The following NAALADL2 variants were observed in gnomAD, a reference collection of about 807,000 sequenced individuals.
NAALADL2 encodes the protein inactive N-acetylated-alpha-linked acidic dipeptidase-like protein 2.
A neutral mutation model predicts 87.2 loss-of-function variants in NAALADL2; 76 were observed. The observed-to-expected ratio is 0.87, with a 90% CI of 0.72 to 1.05. The LOEUF is 1.05. Ranked by LOEUF, NAALADL2 falls within the 50% of genes least tolerant of loss-of-function variation. The pLI is 0.00. For synonymous variants in NAALADL2, 354 were observed against 331.0 expected, an observed-to-expected ratio of 1.07 and a Z score of -0.75; for missense variants, 1,089 against 945.8, an observed-to-expected ratio of 1.15 and a Z score of -1.99.
At chr3:174,971,008 A>C (rs1743554749) in intron 1 of NAALADL2, among the ~76,000 whole-genome samples, 1 of 152,160 alleles carries the variant, frequency 6.6e-6, no homozygotes, top group Admixed American at 6.5e-5. Flanking sequence ...AGGGCTTAGA[A>C]TCGTGGTGGG....
At chr3:174,981,745 T>C (rs1745146207) in intron 1 of NAALADL2, among the ~76,000 whole-genome samples, 1 of 152,148 alleles carries the variant, frequency 6.6e-6, no homozygotes, top group African/African-American at 2.4e-5. Context: ...AATTAGGCAG[T>C]ACAGTGTCAG....
chr3:175,413,428 G>A lies in NAALADL2; in HGVS notation c.1091-33801G>A, dbSNP rs535345127. 1.1e-4 allele frequency among the ~76,000 whole-genome samples: 17 copies of A among 151,430 alleles called. 1 individual carries two copies. In the South Asian group the frequency reaches 2.3e-3, roughly 21 times the overall value. ...CTACTAAAAGTACAAAAAATTGGCC[G>A]GGCATGGTAGCGTCACCTGTAGGCC... is the stretch of plus-strand genomic sequence containing the variant. On this transcript the variant is annotated intron_variant, in intron 5 of 13. Transcript: ENST00000454872.
Position 174,834,027 on chromosome 3 carries a change from G to A in NAALADL2, c.-9+96281G>A, listed in dbSNP as rs1025057571. ...TCTACTCTCTCAATTTCTGTCTAAC[G>A]TTGTAATGGACATTCTAGCATTGTA... On this transcript the variant is annotated intron_variant, in intron 3 of 3. Transcript: ENST00000434257. Among the ~76,000 whole-genome samples, 6 of 150,502 alleles carry A rather than the reference G, an allele frequency of 4.0e-5. No homozygotes were observed. In the East Asian group the frequency reaches 6.0e-4, roughly 15 times the overall value.
intron 1 of NAALADL2, among the ~76,000 whole-genome samples, chr3:174,896,191 CAA>C (rs571201724): frequency 1.6e-4 from 24 of 151,990 alleles, no homozygotes; most frequent in Non-Finnish European, 2.5e-4. Flanking sequence ...CACAATCAGA[CAA>C]GAGAAAAATT....
intron 1 of NAALADL2, among the ~76,000 whole-genome samples, chr3:175,018,561 TGAG>T (rs1240691097): frequency 6.6e-6 from 1 of 152,074 alleles, no homozygotes; most frequent in African/African-American, 2.4e-5. Flanking sequence ...CAACTGAAAA[TGAG>T]GAGTTAGGCA....
intron 11 of NAALADL2, among the ~76,000 whole-genome samples, chr3:175,735,757 G>A (rs1389293378): frequency 6.6e-6 from 1 of 152,088 alleles, no homozygotes; most frequent in Non-Finnish European, 1.5e-5. Context: ...GGGAATTATG[G>A]GAGCTACAAG....
chr3:175,650,146 T>C (rs1730565319), intron 11 of NAALADL2, among the ~76,000 whole-genome samples: 1 of 146,050 alleles, frequency 6.8e-6, no homozygotes, highest in Non-Finnish European at 1.5e-5. Context: ...ATAAAAAGAA[T>C]AAAATACTGA....
Position 174,652,053 on chromosome 3 carries a change from A to G in NAALADL2, c.-114-85588A>G, listed in dbSNP as rs1724409674. Among the ~76,000 whole-genome samples, 4 of 152,188 alleles carry G rather than the reference A, an allele frequency of 2.6e-5. No individual in the cohort carries two copies. The South Asian group carries it at 8.3e-4, about 31-fold the overall frequency. ...AATATTAGACTGCAGTCTAGTTCAA[A>G]GAAAGTTCAGCAAAGCTGATGGAGT... is the stretch of plus-strand genomic sequence containing the variant. On this transcript the variant is annotated intron_variant, in intron 2 of 3. Transcript: ENST00000434257.
At chr3:175,040,494 G>T (rs1387471435) in intron 1 of NAALADL2, among the ~76,000 whole-genome samples, 1 of 152,124 alleles carries the variant, frequency 6.6e-6, no homozygotes, top group African/African-American at 2.4e-5. Flanking sequence ...AAGTGTCAGT[G>T]CAGTGTAAGG....
chr3:175,323,661 A>T (rs868510606), intron 4 of NAALADL2, among the ~76,000 whole-genome samples: 1 of 87,206 alleles, frequency 1.1e-5, no homozygotes, highest in Non-Finnish European at 2.2e-5. Context: ...AAACCGGAGG[A>T]AAAAAAAAAA....
At chr3:174,835,648 TCAAAAA>T (rs1723246848) in intron 3 of NAALADL2, among the ~76,000 whole-genome samples, 1 of 152,026 alleles carries the variant, frequency 6.6e-6, no homozygotes, top group African/African-American at 2.4e-5. Context: ...CTTCTCCAAC[TCAAAAA>T]CAGAAAACTA....
At chr3:174,556,008 T>TGTGC (rs1491448551) in intron 2 of NAALADL2, among the ~76,000 whole-genome samples, 55 of 94,604 alleles carry the variant, frequency 5.8e-4, no homozygotes, top group African/African-American at 1.9e-3. Flanking sequence ...TGTGTGTGTG[T>TGTGC]GCGCGCACGT....
At chr3:174,988,372 C>T (rs535259875) in intron 1 of NAALADL2, among the ~76,000 whole-genome samples, 3 of 152,114 alleles carry the variant, frequency 2.0e-5, no homozygotes, top group African/African-American at 7.2e-5. Context: ...TATTACTTAA[C>T]AAATAGTGTT....
intron 1 of NAALADL2, among the ~76,000 whole-genome samples, chr3:174,998,388 C>A (rs903953443): frequency 6.6e-6 from 1 of 152,138 alleles, no homozygotes; most frequent in East Asian, 1.9e-4. Context: ...ATTTTATTTG[C>A]CTTTTGGGCC....
chr3:175,135,149 G>A (rs1050196538), intron 2 of NAALADL2, among the ~76,000 whole-genome samples: 3 of 152,020 alleles, frequency 2.0e-5, no homozygotes, highest in Non-Finnish European at 2.9e-5. Flanking sequence ...CAGTTTAAAC[G>A]TTTATGCTTA....
At chr3:175,673,992 G>T (rs1002965677) in intron 11 of NAALADL2, among the ~76,000 whole-genome samples, 1 of 151,820 alleles carries the variant, frequency 6.6e-6, no homozygotes, top group Non-Finnish European at 1.5e-5. Flanking sequence ...GGTTTTCAAA[G>T]ATCCCTATAA....
intron 1 of NAALADL2, among the ~76,000 whole-genome samples, chr3:174,998,839 TA>T (rs1454103429): frequency 6.6e-6 from 1 of 152,172 alleles, no homozygotes; most frequent in Non-Finnish European, 1.5e-5. Context: ...AGGTCATGGC[TA>T]AAACCCAGTT....
intron 2 of NAALADL2, among the ~76,000 whole-genome samples, chr3:174,669,116 C>A (rs546273245): frequency 6.6e-6 from 1 of 152,176 alleles, no homozygotes. Flanking sequence ...GCCATTCTAA[C>A]TGATGTGAGA....
intron 4 of NAALADL2, among the ~76,000 whole-genome samples, chr3:175,281,644 A>T (rs558476809): frequency 6.6e-6 from 1 of 152,130 alleles, no homozygotes; most frequent in African/African-American, 2.4e-5. Flanking sequence ...CTTCACATGA[A>T]TACATTACAT....
Sources: allele counts gnomAD v4.1 joint callset (sites outside exome capture counted in the v4.1 genomes callset), GRCh38; gene constraint gnomAD v4.1.1; transcripts MANE v1.5; gene names NCBI Gene and HGNC (gene_info 2026-07-23, HGNC 2026-07-21).